Variants in VPS13D observed in about 807,000 individuals in gnomAD.
The protein encoded by VPS13D is intermembrane lipid transfer protein VPS13D.
VPS13D carries 187 observed loss-of-function variants against 461.9 expected under a neutral mutation model. That is an observed-to-expected ratio of 0.40 (90% CI 0.36 to 0.46). The LOEUF (loss-of-function observed/expected upper bound fraction) is 0.46. Among genes scored for constraint, VPS13D ranks in the 20% least tolerant of loss-of-function variants. The pLI, the probability that VPS13D is intolerant of heterozygous loss-of-function variation, is 0.60. For synonymous variants in VPS13D, 1,951 were observed against 1,986.3 expected, an observed-to-expected ratio of 0.98 and a Z score of 0.47; for missense variants, 4,711 against 5,364.9, an observed-to-expected ratio of 0.88 and a Z score of 3.81.
intron 60 of VPS13D, among the ~76,000 whole-genome samples, chr1:12,392,545 T>TAA (rs139602760): frequency 1.8e-3 from 230 of 129,294 alleles, no homozygotes; most frequent in African/African-American, 6.1e-3. Flanking sequence ...GTATAAATGT[T>TAA]AAAAAAAAAA....
chr1:12,331,197 C>T (rs1182798251), intron 37 of VPS13D, among the ~76,000 whole-genome samples: 1 of 152,120 alleles, frequency 6.6e-6, no homozygotes, highest in African/African-American at 2.4e-5. Flanking sequence ...GAAAGAAGGT[C>T]TCATCGGAAT....
rs758571876 is a variant in VPS13D, at chr1:12,509,100, C to T, written c.*76C>T. ...GGAAAGAGGCCCAGCTCTCAGCTGA[C>T]GATGGAGGCAGAACCGGAGTCGGGT... On this transcript the variant is annotated 3_prime_UTR_variant, in exon 70 of 70. Transcript: ENST00000620676. 1.0e-4 allele frequency: 152 copies of T among 1,509,964 alleles called. No homozygotes were observed. The highest frequency in any genetic ancestry group is 1.3e-4 in the Non-Finnish European group (143 of 1,126,702). 93.5% of individuals were successfully genotyped at this position (1,509,964 alleles called of 1,614,324 possible). A position where few individuals can be genotyped will look rare whatever the true frequency, so the allele number is the denominator to read the frequency against.
intron 2 of VPS13D, among the ~76,000 whole-genome samples, chr1:12,240,595 CAAAAAAAAAA>C (rs781165302): frequency 2.3e-5 from 1 of 43,058 alleles, no homozygotes; most frequent in Middle Eastern, 0.015. Flanking sequence ...GATTCCATCT[CAAAAAAAAAA>C]AAAAAAAAAA....
intron 22 of VPS13D, among the ~76,000 whole-genome samples, chr1:12,289,967 T>C (rs1013449086): frequency 2.0e-5 from 3 of 152,100 alleles, no homozygotes; most frequent in South Asian, 2.1e-4. Flanking sequence ...TGTTTTCAAT[T>C]CATTGGGAGC....
intron 67 of VPS13D, among the ~76,000 whole-genome samples, chr1:12,487,131 A>G (rs941106696): frequency 6.6e-6 from 1 of 152,090 alleles, no homozygotes; most frequent in Non-Finnish European, 1.5e-5. Flanking sequence ...TTAAAAACCC[A>G]TGAGTGTGGT....
At position 12,505,174 on chromosome 1, in the gene VPS13D, G is replaced by A. The variant is rs1019529012; in HGVS notation, c.12795-1679G>A. Among the ~76,000 whole-genome samples, 1 of 152,148 alleles carries A rather than the reference G, an allele frequency of 6.6e-6. No individual in the cohort carries two copies. Among genetic ancestry groups the A allele is most frequent in the Non-Finnish European group, 1.5e-5 (1 of 68,038 alleles). On this transcript the variant is annotated intron_variant, in intron 68 of 69. Coordinates refer to ENST00000620676, the MANE Select transcript of VPS13D (RefSeq NM_015378.4). This position sits in a 1 kb window ranked among gnomAD's most constrained non-coding sequence, Gnocchi z 4.2. ...CTTCCGGGTCTCATCTCAGATCCCC[G>A]CCAGTTCTGGCTGGCGCTGTGTCAC...
At chr1:12,266,766 C>G in intron 13 of VPS13D, 115 bp from the exon 14 acceptor site, 1 of 1,003,934 alleles carries the variant, frequency 1.0e-6, no homozygotes, top group East Asian at 3.0e-5. Context: ...TGTTTAATTT[C>G]AAGGAAAAAT....
At chr1:12,419,745 C>T (rs746641026) in intron 65 of VPS13D, among the ~76,000 whole-genome samples, 2 of 152,162 alleles carry the variant, frequency 1.3e-5, no homozygotes, top group Non-Finnish European at 2.9e-5. Flanking sequence ...GATTATAATT[C>T]AACATGAGAT....
Position 12,348,864 on chromosome 1 carries a change from T to A in VPS13D, c.9111T>A (p.Thr3037=). The A allele has an allele frequency of 6.2e-7, 1 of 1,614,200 alleles. No individual in the cohort carries two copies. Among genetic ancestry groups the A allele is most frequent in the Non-Finnish European group, 8.5e-7 (1 of 1,180,038 alleles). Residue 3037 remains threonine, a synonymous_variant, in exon 45 of 70, where the codon ACT becomes ACA. Transcript: ENST00000620676. ...CAGTGCGGGTGGTCTTTGCAGTGACTATGGAAGGCAGTGCACGGAAAGTCA... is the reference window on the plus strand; with the variant it reads ...CAGTGCGGGTGGTCTTTGCAGTGACAATGGAAGGCAGTGCACGGAAAGTCA... ...LPPVRVVFAV[T]MEGSARKVIT...
At chr1:12,504,712 C>T (rs1415556514) in intron 68 of VPS13D, among the ~76,000 whole-genome samples, 1 of 152,190 alleles carries the variant, frequency 6.6e-6, no homozygotes, top group Non-Finnish European at 1.5e-5. Context: ...CGTCCCAGCT[C>T]AGAGTCACCC....
intron 30 of VPS13D, among the ~76,000 whole-genome samples, chr1:12,316,166 G>T (rs1195601331): frequency 6.6e-6 from 1 of 152,124 alleles, no homozygotes; most frequent in African/African-American, 2.4e-5. Flanking sequence ...TGGCTTCTTA[G>T]ACTGTCAGGT....
At chr1:12,275,417 A>G (rs1402481703) in intron 18 of VPS13D, among the ~76,000 whole-genome samples, 1 of 152,178 alleles carries the variant, frequency 6.6e-6, no homozygotes, top group Non-Finnish European at 1.5e-5. Flanking sequence ...TTCACCTGAA[A>G]TAAAAGAACA....
At chr1:12,312,235 G>A (rs1365717991) in intron 29 of VPS13D, among the ~76,000 whole-genome samples, 5 of 152,150 alleles carry the variant, frequency 3.3e-5, no homozygotes, top group Non-Finnish European at 4.4e-5. Context: ...TGTTGTAGTC[G>A]CTTAGGGTGA....
intron 58 of VPS13D, among the ~76,000 whole-genome samples, chr1:12,384,332 A>G (rs1003035192): frequency 2.0e-5 from 3 of 152,184 alleles, no homozygotes; most frequent in Non-Finnish European, 4.4e-5. Flanking sequence ...GATTTGGGCA[A>G]CTCACAGGAT....
intron 41 of VPS13D, 84 bp downstream of exon 41, chr1:12,341,969 C>G (rs759522145): frequency 2.9e-4 from 335 of 1,153,462 alleles, no homozygotes; most frequent in Non-Finnish European, 3.5e-4. Flanking sequence ...GGTGGGCCCC[C>G]TCTTGAGGCT....
At chr1:12,443,571 C>G (rs945629122) in intron 65 of VPS13D, among the ~76,000 whole-genome samples, 6 of 152,116 alleles carry the variant, frequency 3.9e-5, no homozygotes, top group African/African-American at 1.2e-4. Flanking sequence ...AATGCACAGT[C>G]CTTATACCAG....
chr1:12,419,599 C>T (rs1472739616), intron 65 of VPS13D, among the ~76,000 whole-genome samples: 1 of 152,090 alleles, frequency 6.6e-6, no homozygotes, highest in African/African-American at 2.4e-5. Context: ...GGAGGTGCTA[C>T]ATACTTTTAA....
rs777585760 is a variant in VPS13D at position 12,369,595 on chromosome 1, A to G, written c.10701A>G (p.Lys3567=). The change falls in exon 54 of 70, where the codon AAA becomes AAG. Residue 3567 remains lysine, a synonymous_variant. Transcript: ENST00000620676. ...CACCTTTTATCACTCTGACTGTTAA[A>G]GGGGCAGGGTCCTCTGAGATCAACT... ...TLPPFITLTV[K]GAGSSEINCN... is the part of the protein sequence containing the mutation. 1 of 1,614,198 alleles carries G rather than the reference A, an allele frequency of 6.2e-7. No individual in the cohort carries two copies. The highest frequency in any genetic ancestry group is 8.5e-7 in the Non-Finnish European group (1 of 1,180,036).
intron 61 of VPS13D, among the ~76,000 whole-genome samples, chr1:12,400,693 C>G (rs563572878): frequency 6.6e-6 from 1 of 152,292 alleles, no homozygotes; most frequent in East Asian, 1.9e-4. Flanking sequence ...TGGCTCTCAC[C>G]TGTAATCTCA....
Sources: allele counts gnomAD v4.1 joint callset (sites outside exome capture counted in the v4.1 genomes callset), GRCh38; gene constraint gnomAD v4.1.1; non-coding constraint Gnocchi (gnomAD v3.1); transcripts MANE v1.5; gene names NCBI Gene and HGNC (gene_info 2026-07-23, HGNC 2026-07-21).